CSMD1: variants seen among roughly 807,000 people sequenced by gnomAD.
The protein encoded by CSMD1 is CUB and sushi domain-containing protein 1.
In CSMD1, 213 loss-of-function variants were observed where a neutral mutation model predicts 417.5. That is an observed-to-expected ratio of 0.51 (90% CI 0.46 to 0.57). The LOEUF (loss-of-function observed/expected upper bound fraction) is 0.57, where lower values mean the gene tolerates loss of function less well. Ranked by LOEUF, CSMD1 falls within the 20% of genes least tolerant of loss-of-function variation. The pLI is 0.00. For synonymous variants in CSMD1, 2,862 were observed against 1,736.8 expected (o/e 1.65, Z -16.11); for missense variants, 6,923 against 4,529.7 (o/e 1.53, Z -15.17).
At chr8:3,041,053 G>A (rs1423109880) in intron 50 of CSMD1, among the ~76,000 whole-genome samples, 3 of 151,852 alleles carry the variant, frequency 2.0e-5, no homozygotes, top group African/African-American at 7.3e-5. Flanking sequence ...CAATATTTCT[G>A]TACAAGAAAT....
chr8:3,611,813 G>A (rs532123728), intron 8 of CSMD1, among the ~76,000 whole-genome samples: 2 of 151,872 alleles, frequency 1.3e-5, no homozygotes, highest in Non-Finnish European at 2.9e-5. Context: ...CAATGTATGA[G>A]GTACAAAATC....
intron 3 of CSMD1, among the ~76,000 whole-genome samples, chr8:4,068,655 TA>T (rs1043716161): frequency 3.3e-5 from 5 of 151,816 alleles, no homozygotes; most frequent in East Asian, 3.9e-4. Context: ...GAGTTTAAGA[TA>T]AAAAAAATGG....
At position 3,962,514 on chromosome 8, in the gene CSMD1, T is replaced by A. The variant is rs367805267; in HGVS notation, c.818+35389A>T. ...CAGCCAGCATGCAGGAACCCCTATATTAACGTAATAGGCTAATCGCAGGTA... is the reference window on the plus strand; with the variant it reads ...CAGCCAGCATGCAGGAACCCCTATAATAACGTAATAGGCTAATCGCAGGTA... On this transcript the variant is annotated intron_variant, in intron 5 of 69. Coordinates refer to ENST00000635120, the MANE Select transcript of CSMD1 (RefSeq NM_033225.6). Among the ~76,000 whole-genome samples, 8 of 152,158 alleles carry A rather than the reference T, an allele frequency of 5.3e-5. No homozygotes were observed. In the East Asian group the frequency reaches 1.5e-3, roughly 29 times the overall value.
intron 3 of CSMD1, among the ~76,000 whole-genome samples, chr8:4,379,046 G>GA (rs1162468214): frequency 2.6e-5 from 4 of 151,606 alleles, no homozygotes; most frequent in East Asian, 1.9e-4. Flanking sequence ...AACTGCAGAG[G>GA]AAAAAAAAGG....
rs118130440 is a variant in CSMD1, at chr8:4,778,155, A to G, written c.86-140597T>C. Among the ~76,000 whole-genome samples, 562 of 152,342 alleles carry G rather than the reference A, an allele frequency of 3.7e-3. 5 individuals are homozygous for G. The highest frequency in any genetic ancestry group is 0.01 in the Middle Eastern group (3 of 294). On this transcript the variant is annotated intron_variant, in intron 1 of 69. Coordinates refer to ENST00000635120, the MANE Select transcript of CSMD1 (RefSeq NM_033225.6). ...ATAAATTAATATAAATATACATTAC[A>G]TATAAAACAAATATGTCATAAAATT... is the stretch of plus-strand genomic sequence containing the variant.
intron 1 of CSMD1, among the ~76,000 whole-genome samples, chr8:4,980,023 T>G (rs1810794917): frequency 6.6e-6 from 1 of 152,000 alleles, no homozygotes; most frequent in African/African-American, 2.4e-5. Context: ...GGCGACAGAG[T>G]GAGACTCCAT....
chr8:3,177,748 T>C (rs959584783), intron 37 of CSMD1, among the ~76,000 whole-genome samples: 2 of 152,186 alleles, frequency 1.3e-5, no homozygotes, highest in African/African-American at 4.8e-5. Flanking sequence ...AGATCAATAC[T>C]GAGTTCAATA....
At chr8:3,525,493 T>C (rs1368203130) in intron 10 of CSMD1, among the ~76,000 whole-genome samples, 2 of 152,200 alleles carry the variant, frequency 1.3e-5, no homozygotes, top group African/African-American at 4.8e-5. Flanking sequence ...TCCTCCGTGA[T>C]AAGAAACGCA....
chr8:4,270,885 C>T (rs1457034469), intron 3 of CSMD1, among the ~76,000 whole-genome samples: 1 of 152,140 alleles, frequency 6.6e-6, no homozygotes, highest in Non-Finnish European at 1.5e-5. Context: ...GGACCTCATT[C>T]CTTCAACAAA....
chr8:4,014,330 A>T (rs2554605), intron 4 of CSMD1, among the ~76,000 whole-genome samples: 31,168 of 152,164 alleles, frequency 0.2, 4,026 homozygotes, highest in Non-Finnish European at 0.27. Context: ...ATCACATTCA[A>T]TTATAGAGAG....
intron 10 of CSMD1, among the ~76,000 whole-genome samples, chr8:3,534,359 TA>T (rs1339228738): frequency 5.9e-5 from 9 of 152,138 alleles, no homozygotes; most frequent in African/African-American, 2.2e-4. Context: ...CAGTTCTCTT[TA>T]AATGCCGTGT....
chr8:4,223,968 C>G (rs1204779149), intron 3 of CSMD1, among the ~76,000 whole-genome samples: 2 of 152,144 alleles, frequency 1.3e-5, no homozygotes, highest in Non-Finnish European at 2.9e-5. Flanking sequence ...AGTCCAACCA[C>G]TTTTGAGAGC....
intron 10 of CSMD1, among the ~76,000 whole-genome samples, chr8:3,530,332 C>A (rs1454876325): frequency 6.6e-6 from 1 of 152,050 alleles, no homozygotes; most frequent in Non-Finnish European, 1.5e-5. Context: ...TGGCTGCATC[C>A]TGTAAGTTTT....
chr8:3,809,032 A>G (rs1263813166), intron 5 of CSMD1, among the ~76,000 whole-genome samples: 1 of 152,170 alleles, frequency 6.6e-6, no homozygotes, highest in African/African-American at 2.4e-5. Context: ...GAAGGCATGA[A>G]GAGATACACT....
intron 2 of CSMD1, among the ~76,000 whole-genome samples, chr8:4,470,447 C>G (rs1007091099): frequency 2.6e-5 from 4 of 152,214 alleles, no homozygotes; most frequent in African/African-American, 4.8e-5. Flanking sequence ...GCTATGTAGA[C>G]AGGTTGGGGT....
Position 3,894,673 on chromosome 8 carries a change from T to G in CSMD1, c.818+103230A>C, listed in dbSNP as rs188029175. On this transcript the variant is annotated intron_variant, in intron 5 of 69. Coordinates refer to ENST00000635120, the MANE Select transcript of CSMD1 (RefSeq NM_033225.6). The stretch of plus-strand genomic sequence containing the variant: ...TATTAACCTAACAAGAGAGTCTAAT[T>G]GAAAAGTTCATTGATCCTTTTTCCT... 3.3e-5 allele frequency among the ~76,000 whole-genome samples: 5 copies of G among 152,300 alleles called. No homozygotes were observed. The East Asian group carries it at 9.7e-4, about 29-fold the overall frequency.
intron 5 of CSMD1, among the ~76,000 whole-genome samples, chr8:3,877,910 T>G (rs879781055): frequency 6.6e-6 from 1 of 150,926 alleles, no homozygotes; most frequent in Non-Finnish European, 1.5e-5. Context: ...AAGTAAATCA[T>G]TTTATAGGTC....
intron 3 of CSMD1, among the ~76,000 whole-genome samples, chr8:4,099,527 G>T (rs1032886439): frequency 1.3e-5 from 2 of 151,746 alleles, no homozygotes; most frequent in African/African-American, 4.8e-5. Context: ...GTGCCATTAT[G>T]AGCACCTTTG....
intron 7 of CSMD1, among the ~76,000 whole-genome samples, chr8:3,658,095 TA>T (rs1798221358): frequency 6.6e-6 from 1 of 152,138 alleles, no homozygotes; most frequent in East Asian, 1.9e-4. Context: ...ATCACAATGC[TA>T]GCAACATTAT....
Sources: gnomAD v4.1 joint callset for allele counts (sites outside exome capture counted in the v4.1 genomes callset) on GRCh38, gnomAD v4.1.1 for gene constraint, MANE v1.5 for transcripts, NCBI Gene and HGNC (gene_info 2026-07-23, HGNC 2026-07-21) for gene names.